Variants in KATNAL1 observed in about 807,000 individuals in gnomAD.
KATNAL1 encodes katanin p60 ATPase-containing subunit A-like 1.
A neutral mutation model predicts 55.2 loss-of-function variants in KATNAL1; 32 were observed. The ratio of observed to expected loss-of-function variants is 0.58; its 90% CI spans 0.44 to 0.78. The LOEUF (loss-of-function observed/expected upper bound fraction) is 0.78, where lower values mean the gene tolerates loss of function less well. KATNAL1 is among the 30% of genes least tolerant of loss of function. The pLI is 0.00. For synonymous variants in KATNAL1, 193 were observed against 193.6 expected, an observed-to-expected ratio of 1.00 and a Z score of 0.02; for missense variants, 466 against 600.9, an observed-to-expected ratio of 0.78 and a Z score of 2.35.
intron 4 of KATNAL1, among the ~76,000 whole-genome samples, chr13:30,246,681 A>G (rs779892845): frequency 1.3e-5 from 2 of 152,224 alleles, no homozygotes; most frequent in Non-Finnish European, 2.9e-5. Flanking sequence ...TCCACAAGGA[A>G]CTTAAATTTA....
At chr13:30,289,084 C>T (rs1238333563) in intron 1 of KATNAL1, among the ~76,000 whole-genome samples, 1 of 152,176 alleles carries the variant, frequency 6.6e-6, no homozygotes, top group African/African-American at 2.4e-5. Flanking sequence ...GGTTGCATGC[C>T]ATTAGTGTTT....
At position 30,210,426 on chromosome 13, in the gene KATNAL1, C is replaced by T. The variant is rs1291873685; in HGVS notation, c.1164G>A (p.Glu388=). 1 of 1,603,032 alleles carries T rather than the reference C, an allele frequency of 6.2e-7. No homozygotes were observed. The highest frequency in any genetic ancestry group is 1.7e-4 in the Middle Eastern group (1 of 6,044). ...IPLPTAKGRA[E]LLKINLREVE... ...CCTCACGAAGGTTGATCTTCAGAAG[C>T]TCAGCTCTTCCTTTTGCTGTTACAA... Residue 388 remains glutamate (E), a synonymous_variant, in exon 10 of 11, where the codon GAG becomes GAA. Transcript: ENST00000380615.
At chr13:30,210,526 A>T in intron 9 of KATNAL1, 84 bp from the exon 10 acceptor site, 1 of 1,257,050 alleles carries the variant, frequency 8.0e-7, no homozygotes, top group Non-Finnish European at 1.1e-6. Flanking sequence ...CATTTGGGGG[A>T]AAAATGAGGC....
intron 9 of KATNAL1, among the ~76,000 whole-genome samples, chr13:30,220,273 C>A (rs1277864524): frequency 6.6e-6 from 1 of 152,020 alleles, no homozygotes; most frequent in Non-Finnish European, 1.5e-5. Context: ...CCAGCCTGGC[C>A]AACATGGTGA....
chr13:30,215,155 C>CA (rs578173599), intron 9 of KATNAL1, among the ~76,000 whole-genome samples: 44 of 151,378 alleles, frequency 2.9e-4, no homozygotes, highest in Admixed American at 8.6e-4. Flanking sequence ...TTTATGCAGC[C>CA]AAAAAACACA....
At chr13:30,301,239 G>A (rs537753162) in intron 1 of KATNAL1, among the ~76,000 whole-genome samples, 3 of 152,218 alleles carry the variant, frequency 2.0e-5, no homozygotes, top group African/African-American at 4.8e-5. Flanking sequence ...GCGTGGTAGC[G>A]AGTGCCTGTG....
chr13:30,233,599 A>C (rs1027568001), intron 6 of KATNAL1, among the ~76,000 whole-genome samples: 6 of 143,330 alleles, frequency 4.2e-5, no homozygotes, highest in Non-Finnish European at 7.6e-5. Context: ...GAATATATAC[A>C]AAAAAAAAAA....
intron 8 of KATNAL1, among the ~76,000 whole-genome samples, chr13:30,229,737 G>A (rs1471750325): frequency 6.6e-6 from 1 of 151,918 alleles, no homozygotes. Context: ...AAAAATTATT[G>A]AGAACCCCAA....
chr13:30,260,665 A>G (rs1180512767), intron 3 of KATNAL1, among the ~76,000 whole-genome samples: 3 of 152,056 alleles, frequency 2.0e-5, no homozygotes, highest in Non-Finnish European at 4.4e-5. Flanking sequence ...AGGGAAATTT[A>G]GAGAAAAAAG....
intron 4 of KATNAL1, among the ~76,000 whole-genome samples, chr13:30,250,061 G>A: frequency 6.6e-6 from 1 of 152,054 alleles, no homozygotes; most frequent in East Asian, 1.9e-4. Flanking sequence ...CTCTATGGTG[G>A]AAACACCATA....
rs577133601 is a variant in KATNAL1, at chr13:30,270,267, G to A, written c.323+9796C>T. On this transcript the variant is annotated intron_variant, in intron 3 of 10. Transcript: ENST00000380615. ...GGGAGGTTGGGGGGTCAGCCCCCCC[G>A]CCCGGCCAGCCACCCCGTCCAGGAG... Among the ~76,000 whole-genome samples, 203 of 138,306 alleles carry A rather than the reference G, an allele frequency of 1.5e-3. 2 individuals carry two copies. Among genetic ancestry groups the A allele is most frequent in the African/African-American group, 4.8e-3 (184 of 38,270 alleles). 90.7% of individuals were successfully genotyped at this position (138,306 alleles called of 152,430 possible). A position where few individuals can be genotyped will look rare whatever the true frequency, so the allele number is the denominator to read the frequency against.
chr13:30,225,647 TACACACACACACACAC>T (rs57630828), intron 9 of KATNAL1, among the ~76,000 whole-genome samples: 25 of 146,756 alleles, frequency 1.7e-4, no homozygotes, highest in Admixed American at 7.5e-4. Flanking sequence ...ATGACTCATC[TACACACACACACACAC>T]ACACACACAC....
intron 1 of KATNAL1, among the ~76,000 whole-genome samples, chr13:30,288,817 T>A (rs1278571400): frequency 6.6e-6 from 1 of 152,238 alleles, no homozygotes; most frequent in African/African-American, 2.4e-5. Context: ...ATATTCAGCT[T>A]CTATTTCTGA....
At chr13:30,268,438 A>G (rs578237990) in intron 3 of KATNAL1, among the ~76,000 whole-genome samples, 3 of 152,374 alleles carry the variant, frequency 2.0e-5, no homozygotes, top group Admixed American at 6.5e-5. Context: ...ACAAGTCTTA[A>G]GTAGTATAAA....
chr13:30,281,836 A>T (rs1245577993), intron 2 of KATNAL1: 1 of 152,242 alleles, frequency 6.6e-6, no homozygotes, highest in African/African-American at 2.4e-5. Flanking sequence ...CCTGCACGAG[A>T]TGCACACAAA....
intron 9 of KATNAL1, among the ~76,000 whole-genome samples, chr13:30,224,527 C>A (rs1332598494): frequency 6.7e-6 from 1 of 149,466 alleles, no homozygotes; most frequent in African/African-American, 2.5e-5. Flanking sequence ...GAGCAAGACT[C>A]TGTCTCTTAA....
intron 6 of KATNAL1, among the ~76,000 whole-genome samples, chr13:30,232,245 T>C (rs1442041539): frequency 6.6e-6 from 1 of 152,222 alleles, no homozygotes; most frequent in Non-Finnish European, 1.5e-5. Context: ...TTAATAGAGT[T>C]TAAATACATA....
intron 4 of KATNAL1, among the ~76,000 whole-genome samples, chr13:30,250,584 T>C (rs1215303136): frequency 6.6e-6 from 1 of 152,222 alleles, no homozygotes. Context: ...CAAAAGAATA[T>C]GTCAATCTAG....
chr13:30,241,576 C>G (rs747285473), intron 4 of KATNAL1, among the ~76,000 whole-genome samples: 1 of 152,152 alleles, frequency 6.6e-6, no homozygotes, highest in Non-Finnish European at 1.5e-5. Context: ...ACAGCTTTGA[C>G]GAGCTTTAAA....
Sources: gnomAD v4.1 joint callset for allele counts (sites outside exome capture counted in the v4.1 genomes callset) on GRCh38, gnomAD v4.1.1 for gene constraint, MANE v1.5 for transcripts, NCBI Gene and HGNC (gene_info 2026-07-23, HGNC 2026-07-21) for gene names.